The following DOCK1 variants were observed in gnomAD, a reference collection of about 807,000 sequenced individuals.
DOCK1 encodes dedicator of cytokinesis protein 1.
A neutral mutation model predicts 262.7 loss-of-function variants in DOCK1; 138 were observed. The observed-to-expected ratio is 0.53, with a 90% CI of 0.46 to 0.61. DOCK1 has a LOEUF of 0.61. Among genes scored for constraint, DOCK1 ranks in the 20% least tolerant of loss-of-function variants. The probability of loss-of-function intolerance (pLI) is 0.00; values close to 1 mark genes in which losing one functional copy is unlikely to be tolerated. For missense variants in DOCK1, 1,908 were observed against 2,370.7 expected, an observed-to-expected ratio of 0.80 and a Z score of 4.05; for synonymous variants, 866 against 867.4, an observed-to-expected ratio of 1.00 and a Z score of 0.03.
intron 22 of DOCK1, among the ~76,000 whole-genome samples, chr10:127,060,364 T>C (rs952305593): frequency 5.3e-5 from 8 of 152,152 alleles, no homozygotes; most frequent in Non-Finnish European, 5.9e-5. Context: ...CAAACCCCAT[T>C]TGAAAACCCT....
intron 43 of DOCK1, among the ~76,000 whole-genome samples, chr10:127,412,877 A>G (rs1185195355): frequency 1.3e-5 from 2 of 152,252 alleles, no homozygotes; most frequent in African/African-American, 4.8e-5. Context: ...GTGCAGTCCC[A>G]GCAGGCTGGT....
intron 23 of DOCK1, among the ~76,000 whole-genome samples, chr10:127,083,348 TC>T (rs2047015813): frequency 6.6e-6 from 1 of 152,198 alleles, no homozygotes; most frequent in African/African-American, 2.4e-5. Flanking sequence ...GGACGAGCAG[TC>T]CTGGCTCCTT....
At chr10:127,108,566 A>G (rs942328230) in intron 24 of DOCK1, among the ~76,000 whole-genome samples, 1 of 152,182 alleles carries the variant, frequency 6.6e-6, no homozygotes, top group African/African-American at 2.4e-5. Context: ...AGCCTGGGTG[A>G]CAGGGCAAGA....
chr10:126,967,735 T>G (rs924599167), intron 1 of DOCK1, among the ~76,000 whole-genome samples: 90 of 152,288 alleles, frequency 5.9e-4, no homozygotes, highest in Admixed American at 2.0e-3. Context: ...CCCTCCCGTC[T>G]TCCTCTTATA....
intron 43 of DOCK1, among the ~76,000 whole-genome samples, chr10:127,412,287 A>G (rs911129610): frequency 3.3e-5 from 5 of 152,136 alleles, no homozygotes; most frequent in Non-Finnish European, 5.9e-5. Flanking sequence ...AATTCTACAT[A>G]CAAACTGCTT....
intron 27 of DOCK1, among the ~76,000 whole-genome samples, chr10:127,246,233 C>T (rs751970928): frequency 4.6e-5 from 7 of 152,196 alleles, no homozygotes; most frequent in Non-Finnish European, 7.3e-5. Flanking sequence ...GTCTTATAGT[C>T]CTAGAGTACA....
chr10:127,093,498 G>A (rs528050634), intron 23 of DOCK1, among the ~76,000 whole-genome samples: 6 of 151,640 alleles, frequency 4.0e-5, no homozygotes, highest in South Asian at 4.2e-4. Flanking sequence ...GATCACAGAC[G>A]CGTGCCATTG....
chr10:126,949,321 A>T (rs2035964060), intron 1 of DOCK1, among the ~76,000 whole-genome samples: 1 of 152,096 alleles, frequency 6.6e-6, no homozygotes, highest in Admixed American at 6.6e-5. Flanking sequence ...TGGGGATTCC[A>T]GGAAGGCACT....
chr10:127,300,988 C>T (rs1480980710), intron 29 of DOCK1, among the ~76,000 whole-genome samples: 1 of 152,218 alleles, frequency 6.6e-6, no homozygotes, highest in Non-Finnish European at 1.5e-5. Context: ...TTCCTAACCC[C>T]CTAGCCTGTT....
chr10:127,256,990 C>T (rs1233988688), intron 28 of DOCK1, among the ~76,000 whole-genome samples: 2 of 152,178 alleles, frequency 1.3e-5, no homozygotes, highest in Non-Finnish European at 2.9e-5. Context: ...TAAGAAAAAG[C>T]TGTAACCTGC....
chr10:127,333,035 G>A (rs2063051298), intron 29 of DOCK1, among the ~76,000 whole-genome samples: 1 of 150,034 alleles, frequency 6.7e-6, no homozygotes, highest in Non-Finnish European at 1.5e-5. Flanking sequence ...ATGGAGGAAT[G>A]TGTTGCTAGA....
At chr10:126,988,495 T>C (rs2039568485) in intron 5 of DOCK1, 2 of 152,214 alleles carry the variant, frequency 1.3e-5, no homozygotes, top group Admixed American at 6.5e-5. Flanking sequence ...TCAAACGTAC[T>C]GAAAAACCTA....
chr10:127,273,882 A>C (rs2060653377), intron 29 of DOCK1, among the ~76,000 whole-genome samples: 1 of 151,956 alleles, frequency 6.6e-6, no homozygotes, highest in South Asian at 2.1e-4. Context: ...CTGTCTCAAA[A>C]AAAAAAAAAA....
chr10:127,334,943 G>GA (rs1350149019), intron 29 of DOCK1, among the ~76,000 whole-genome samples: 1 of 152,108 alleles, frequency 6.6e-6, no homozygotes, highest in Non-Finnish European at 1.5e-5. Context: ...TCCCACCGCA[G>GA]AAAACCTACA....
At chr10:127,347,856 TCC>T (rs2063711544) in intron 31 of DOCK1, among the ~76,000 whole-genome samples, 1 of 43,510 alleles carries the variant, frequency 2.3e-5, no homozygotes, top group Non-Finnish European at 4.8e-5. Flanking sequence ...TCCCTTCCCT[TCC>T]CTTCCCTTCC....
intron 27 of DOCK1, among the ~76,000 whole-genome samples, chr10:127,213,927 C>A (rs2058089299): frequency 6.6e-6 from 1 of 152,186 alleles, no homozygotes; most frequent in Non-Finnish European, 1.5e-5. Flanking sequence ...GCAAGCTCCG[C>A]CTCTGGGGTT....
At chr10:127,010,717 A>C (rs1302019327) in intron 11 of DOCK1, among the ~76,000 whole-genome samples, 2 of 152,242 alleles carry the variant, frequency 1.3e-5, no homozygotes, top group African/African-American at 4.8e-5. Context: ...CAAGGGGAAC[A>C]GTATCATGGA....
intron 47 of DOCK1, among the ~76,000 whole-genome samples, chr10:127,429,800 G>A (rs552217870): frequency 3.9e-5 from 6 of 152,278 alleles, no homozygotes; most frequent in South Asian, 4.1e-4. Context: ...ATTGGCCCCC[G>A]TGCCCTCACC....
rs549396520 is a variant in DOCK1 at position 127,330,512 on chromosome 10, A to G, written c.3045-8494A>G. Among the ~76,000 whole-genome samples the G allele has an allele frequency of 3.3e-5, 5 of 152,336 alleles. No individual in the cohort carries two copies. The South Asian group carries it at 8.3e-4, about 25-fold the overall frequency. On this transcript the variant is annotated intron_variant, in intron 29 of 51. Coordinates refer to ENST00000623213, the MANE Select transcript of DOCK1 (RefSeq NM_001290223.2). The stretch of plus-strand genomic sequence containing the variant: ...ATGTAAAATGGCACAGCCACTATGG[A>G]AAATAGTAGGATGGTTCCTCTAAAA...
Sources: allele counts gnomAD v4.1 joint callset (sites outside exome capture counted in the v4.1 genomes callset), GRCh38; gene constraint gnomAD v4.1.1; transcripts MANE v1.5; gene names NCBI Gene and HGNC (gene_info 2026-07-23, HGNC 2026-07-21).